The following CDH4 variants were observed in gnomAD, a reference collection of about 807,000 sequenced individuals.
CDH4 encodes cadherin-4.
Under a neutral mutation model 86.0 loss-of-function variants are expected in CDH4, and 33 were observed. That is an observed-to-expected ratio of 0.38 (90% CI 0.29 to 0.51). The LOEUF (loss-of-function observed/expected upper bound fraction) is 0.51. Ranked by LOEUF, CDH4 falls within the 20% of genes least tolerant of loss-of-function variation. The pLI, the probability that CDH4 is intolerant of heterozygous loss-of-function variation, is 0.86. For synonymous variants in CDH4, 555 were observed against 549.4 expected (o/e 1.01, Z -0.14); for missense variants, 1,114 against 1,307.4 (o/e 0.85, Z 2.28).
In CDH4 at chr20:61,582,223, G is replaced by A. The variant is rs796396896; in HGVS notation, c.170-161340G>A. ...ACCTCTGCAGCTTCTTCCTAATGCC[G>A]CCTCCCCACCTCCAATCACAGAGGC... On this transcript the variant is annotated intron_variant, in intron 2 of 15. Coordinates refer to ENST00000614565, the MANE Select transcript of CDH4 (RefSeq NM_001794.5). The surrounding 1 kb of genome is among the most constrained non-coding windows in gnomAD (Gnocchi z 4.2). 7.9e-5 allele frequency among the ~76,000 whole-genome samples: 12 copies of A among 152,298 alleles called. No homozygotes were observed. Among genetic ancestry groups the A allele is most frequent in the African/African-American group, 1.2e-4 (5 of 41,566 alleles).
intron 2 of CDH4, among the ~76,000 whole-genome samples, chr20:61,643,023 G>A (rs2087027097): frequency 6.6e-6 from 1 of 152,192 alleles, no homozygotes. Context: ...TAGTTGCTAT[G>A]TGTCTTAGTC....
intron 2 of CDH4, among the ~76,000 whole-genome samples, chr20:61,472,531 G>A (rs1374729429): frequency 6.6e-6 from 1 of 151,466 alleles, no homozygotes; most frequent in Non-Finnish European, 1.5e-5. Context: ...CATTTTTTTT[G>A]TTCATCCATT....
At chr20:61,867,614 C>T (rs559473187) in intron 6 of CDH4, among the ~76,000 whole-genome samples, 82 of 151,420 alleles carry the variant, frequency 5.4e-4, no homozygotes, top group African/African-American at 1.8e-3. Flanking sequence ...TGGGGGATTC[C>T]TGGGTGCTCA....
At chr20:61,494,703 T>C (rs1568864694) in intron 2 of CDH4, among the ~76,000 whole-genome samples, 1 of 152,240 alleles carries the variant, frequency 6.6e-6, no homozygotes, top group Non-Finnish European at 1.5e-5. Context: ...AGACATCTAG[T>C]CAAAGGCATC....
At chr20:61,272,256 G>A (rs1467486165) in intron 2 of CDH4, among the ~76,000 whole-genome samples, 1 of 152,176 alleles carries the variant, frequency 6.6e-6, no homozygotes, top group Non-Finnish European at 1.5e-5. Context: ...AAGTCCCCCA[G>A]TGGCTTTCTA....
At chr20:61,332,635 T>C (rs905362865) in intron 2 of CDH4, among the ~76,000 whole-genome samples, 3 of 152,218 alleles carry the variant, frequency 2.0e-5, no homozygotes, top group East Asian at 3.9e-4. Context: ...GTGGGGGTAA[T>C]TGAAGGTTCT....
rs76819228 is a variant in CDH4, at chr20:61,688,888, G to A, written c.170-54675G>A. ...CTGTCATCTCAGCTGCTTAGAGAGA[G>A]GCACCGCTAGTTAGGTGGTCCTCCT... On this transcript the variant is annotated intron_variant, in intron 2 of 15. Transcript: ENST00000614565. Among the ~76,000 whole-genome samples, 1,016 of 152,348 alleles carry A rather than the reference G, an allele frequency of 6.7e-3. 14 individuals carry two copies. Among genetic ancestry groups the A allele is most frequent in the South Asian group, 0.032 (154 of 4,828 alleles).
At chr20:61,440,501 A>G (rs2085308330) in intron 2 of CDH4, among the ~76,000 whole-genome samples, 1 of 152,222 alleles carries the variant, frequency 6.6e-6, no homozygotes, top group Non-Finnish European at 1.5e-5. Context: ...GTTTTATTAA[A>G]TACAAAATAA....
intron 2 of CDH4, among the ~76,000 whole-genome samples, chr20:61,669,968 C>G (rs561874157): frequency 6.6e-6 from 1 of 152,134 alleles, no homozygotes; most frequent in African/African-American, 2.4e-5. Context: ...GACCCTCGAG[C>G]TGTGTGGATC....
chr20:61,382,725 C>G (rs1160320131), intron 2 of CDH4, among the ~76,000 whole-genome samples: 1 of 152,162 alleles, frequency 6.6e-6, no homozygotes, highest in African/African-American at 2.4e-5. Flanking sequence ...CCTCTGTCTT[C>G]ATGTGGTTCT....
intron 2 of CDH4, among the ~76,000 whole-genome samples, chr20:61,454,363 G>A (rs1011104557): frequency 6.6e-6 from 1 of 152,182 alleles, no homozygotes; most frequent in Admixed American, 6.5e-5. Flanking sequence ...GATGGGAGGG[G>A]CACCCGGGTC....
At chr20:61,710,355 T>C (rs1167885369) in intron 2 of CDH4, among the ~76,000 whole-genome samples, 4 of 152,292 alleles carry the variant, frequency 2.6e-5, no homozygotes, top group South Asian at 2.1e-4. Context: ...TGTGAAGGCA[T>C]TGAGTGCTTG....
At chr20:61,560,767 G>A (rs2145686501) in intron 2 of CDH4, among the ~76,000 whole-genome samples, 1 of 152,374 alleles carries the variant, frequency 6.6e-6, no homozygotes. Context: ...TGCCCCAGAA[G>A]GAGCCCGGGT....
chr20:61,322,627 C>T (rs980883929), intron 2 of CDH4, among the ~76,000 whole-genome samples: 1 of 152,184 alleles, frequency 6.6e-6, no homozygotes, highest in Non-Finnish European at 1.5e-5. Context: ...CCCAGAGCAG[C>T]TTTTGTCCCA....
intron 2 of CDH4, chr20:61,369,768 AGGG>A (rs2123333039): frequency 6.6e-6 from 1 of 152,186 alleles, no homozygotes; most frequent in South Asian, 2.1e-4. Flanking sequence ...GGAAAGGGAC[AGGG>A]CTCGGGGGCA....
intron 4 of CDH4, among the ~76,000 whole-genome samples, chr20:61,840,892 C>A (rs574805052): frequency 6.6e-6 from 1 of 152,378 alleles, no homozygotes; most frequent in South Asian, 2.1e-4. Flanking sequence ...GGCGGCCAAA[C>A]GGGCCTGGAG....
At chr20:61,474,457 G>A (rs998279787) in intron 2 of CDH4, among the ~76,000 whole-genome samples, 8 of 151,358 alleles carry the variant, frequency 5.3e-5, no homozygotes, top group African/African-American at 1.2e-4. Flanking sequence ...TTACAGTCAC[G>A]AGCCACTGCA....
At chr20:61,863,704 G>T (rs1211313695) in intron 6 of CDH4, among the ~76,000 whole-genome samples, 2 of 152,234 alleles carry the variant, frequency 1.3e-5, no homozygotes, top group Non-Finnish European at 2.9e-5. Flanking sequence ...TACAGCACAG[G>T]AAGGAGGCCA....
chr20:61,523,811 C>A (rs989768262), intron 2 of CDH4, among the ~76,000 whole-genome samples: 28 of 152,186 alleles, frequency 1.8e-4, no homozygotes, highest in African/African-American at 6.3e-4. Context: ...CCGGGGAGAC[C>A]CCTACCCTCT....
Sources: allele counts gnomAD v4.1 joint callset (sites outside exome capture counted in the v4.1 genomes callset), GRCh38; gene constraint gnomAD v4.1.1; non-coding constraint Gnocchi (gnomAD v3.1); transcripts MANE v1.5; gene names NCBI Gene and HGNC (gene_info 2026-07-23, HGNC 2026-07-21).